Variants in PEX5L observed in about 807,000 individuals in gnomAD.
PEX5L encodes peroxisomal biogenesis factor 5 like, also known as PEX5-related protein.
Under a neutral mutation model 84.0 loss-of-function variants are expected in PEX5L, and 30 were observed. The observed-to-expected ratio is 0.36, with a 90% confidence interval of 0.27 to 0.48. The LOEUF is 0.48. Ranked by LOEUF, PEX5L falls within the 20% of genes least tolerant of loss-of-function variation. The probability of loss-of-function intolerance (pLI) is 0.99; values close to 1 mark genes in which losing one functional copy is unlikely to be tolerated. For missense variants in PEX5L, 533 were observed against 754.6 expected (o/e 0.71, Z 3.44); for synonymous variants, 270 against 283.1 (o/e 0.95, Z 0.46).
At chr3:179,931,310 T>C (rs371134802) in intron 2 of PEX5L, among the ~76,000 whole-genome samples, 1 of 152,164 alleles carries the variant, frequency 6.6e-6, no homozygotes, top group African/African-American at 2.4e-5. Flanking sequence ...GGCAAAGGCC[T>C]CAAAGGACAT....
At chr3:179,933,458 G>T (rs1190298700) in intron 2 of PEX5L, among the ~76,000 whole-genome samples, 3 of 149,216 alleles carry the variant, frequency 2.0e-5, no homozygotes, top group African/African-American at 7.4e-5. Flanking sequence ...TTTTTTTTGA[G>T]AAAACTAATT....
At chr3:179,932,949 G>A (rs935522828) in intron 2 of PEX5L, among the ~76,000 whole-genome samples, 1 of 152,010 alleles carries the variant, frequency 6.6e-6, no homozygotes, top group Non-Finnish European at 1.5e-5. Flanking sequence ...GTGTACAATA[G>A]ATCTCCTGAT....
chr3:179,815,728 A>C, intron 10 of PEX5L, 133 bp downstream of exon 10: 1 of 932,582 alleles, frequency 1.1e-6, no homozygotes. Context: ...CTTTTAAACA[A>C]GTAGACTAAG....
intron 2 of PEX5L, among the ~76,000 whole-genome samples, chr3:179,959,831 TG>T (rs1462628980): frequency 2.0e-5 from 3 of 152,172 alleles, no homozygotes; most frequent in Non-Finnish European, 4.4e-5. Flanking sequence ...AGAACCACTG[TG>T]GCAGCAGAGC....
At chr3:180,032,671 T>A (rs969843850) in intron 1 of PEX5L, among the ~76,000 whole-genome samples, 3 of 152,218 alleles carry the variant, frequency 2.0e-5, no homozygotes, top group Non-Finnish European at 4.4e-5. Context: ...CTGGACAACA[T>A]GGTGAAACCC....
In PEX5L at chr3:179,818,308, G is replaced by A. The variant is rs1482326664; in HGVS notation, c.939+1552C>T. Among the ~76,000 whole-genome samples, 4 of 150,788 alleles carry A rather than the reference G, an allele frequency of 2.7e-5. No homozygotes were observed. In the East Asian group the frequency reaches 7.8e-4, roughly 29 times the overall value. ...TTTAATTTTTGTGGGTACCTAATAGGTATATGTATTTATGGGGTACATGAG... is the reference window on the plus strand; with the variant it reads ...TTTAATTTTTGTGGGTACCTAATAGATATATGTATTTATGGGGTACATGAG... On this transcript the variant is annotated intron_variant, in intron 9 of 14. Transcript: ENST00000467460.
intron 13 of PEX5L, 98 bp from the exon 14 acceptor site, chr3:179,807,929 T>G (rs1334560255): frequency 9.0e-6 from 10 of 1,112,560 alleles, no homozygotes; most frequent in Middle Eastern, 2.0e-4. Context: ...GGCTAAAAAT[T>G]TATGCAGTGC....
rs12638061 is a variant in PEX5L, at chr3:179,862,473, T to C, written c.727-3316A>G. 5.5e-3 allele frequency among the ~76,000 whole-genome samples: 844 copies of C among 152,322 alleles called. 14 individuals are homozygous for C. The highest frequency in any genetic ancestry group is 0.049 in the East Asian group (254 of 5,184). ...TGTTAACTCCAACGGTGATATCTTA[T>C]TGTCTTGTAGAAAGTTAGCCGATCT... On this transcript the variant is annotated intron_variant, in intron 7 of 14. Transcript: ENST00000467460.
chr3:180,000,172 G>A (rs1788265694), intron 1 of PEX5L, among the ~76,000 whole-genome samples: 1 of 152,112 alleles, frequency 6.6e-6, no homozygotes, highest in South Asian at 2.1e-4. Flanking sequence ...GCTGCCACCA[G>A]GAGACACACA....
intron 2 of PEX5L, chr3:179,902,022 T>C (rs933545986): frequency 2.6e-5 from 4 of 152,148 alleles, no homozygotes; most frequent in South Asian, 2.1e-4. Flanking sequence ...ATGAGAAAGG[T>C]TGGATCTGTT....
chr3:179,820,103 G>C, intron 8 of PEX5L, 127 bp from the exon 9 acceptor site: 1 of 1,346,980 alleles, frequency 7.4e-7, no homozygotes, highest in Admixed American at 2.1e-5. Flanking sequence ...ACATCCAACT[G>C]ATAGGCGTGG....
intron 1 of PEX5L, among the ~76,000 whole-genome samples, chr3:179,991,525 T>A (rs1420997084): frequency 6.6e-6 from 1 of 152,146 alleles, no homozygotes; most frequent in Admixed American, 6.5e-5. Context: ...CCCCCTCTAC[T>A]CATCTCTGGG....
chr3:179,973,313 A>T, intron 1 of PEX5L: 2 of 1,261,710 alleles, frequency 1.6e-6, no homozygotes, highest in South Asian at 2.7e-5. Context: ...CCAGAGAACC[A>T]CAGATCTTGC....
intron 8 of PEX5L, among the ~76,000 whole-genome samples, chr3:179,838,847 T>C (rs1735969857): frequency 6.6e-6 from 1 of 152,150 alleles, no homozygotes; most frequent in Non-Finnish European, 1.5e-5. Context: ...AAACGCTTTA[T>C]ATATATATTT....
chr3:179,818,848 C>CTT (rs78348936), intron 9 of PEX5L, among the ~76,000 whole-genome samples: 9 of 103,006 alleles, frequency 8.7e-5, no homozygotes, highest in South Asian at 3.4e-4. Flanking sequence ...CTTTTCTTTT[C>CTT]TTTTTTTTTT....
chr3:179,919,321 GCAGC>G (rs1768411859), intron 2 of PEX5L, among the ~76,000 whole-genome samples: 1 of 152,182 alleles, frequency 6.6e-6, no homozygotes, highest in African/African-American at 2.4e-5. Flanking sequence ...ACCACAGCAA[GCAGC>G]CTCTCTCTAG....
At chr3:180,023,169 G>A (rs1790570914) in intron 1 of PEX5L, among the ~76,000 whole-genome samples, 1 of 152,200 alleles carries the variant, frequency 6.6e-6, no homozygotes, top group South Asian at 2.1e-4. Context: ...TGACAAGGAA[G>A]TCTGGGGGAG....
At chr3:179,849,628 C>G (rs2056596) in intron 8 of PEX5L, among the ~76,000 whole-genome samples, 1 of 152,006 alleles carries the variant, frequency 6.6e-6, no homozygotes, top group Admixed American at 6.5e-5. Flanking sequence ...TACTGTCCCA[C>G]TGGTGTTTAG....
chr3:179,849,537 T>C (rs1740962630), intron 8 of PEX5L, among the ~76,000 whole-genome samples: 2 of 152,264 alleles, frequency 1.3e-5, no homozygotes, highest in Non-Finnish European at 2.9e-5. Context: ...CTTATTATGC[T>C]ACTTTCCTTT....
Sources: gnomAD v4.1 joint callset for allele counts (sites outside exome capture counted in the v4.1 genomes callset) on GRCh38, gnomAD v4.1.1 for gene constraint, MANE v1.5 for transcripts, NCBI Gene and HGNC (gene_info 2026-07-23, HGNC 2026-07-21) for gene names.